Variants in GABRB2 observed in about 807,000 individuals in gnomAD.
GABRB2 encodes the protein gamma-aminobutyric acid receptor subunit beta-2.
Under a neutral mutation model 54.7 loss-of-function variants are expected in GABRB2, and 16 were observed. The observed-to-expected ratio is 0.29, with a 90% confidence interval of 0.20 to 0.44. The LOEUF is 0.44. GABRB2 is among the 20% of genes least tolerant of loss of function. The pLI is 1.00. For missense variants in GABRB2, 355 were observed against 644.0 expected (o/e 0.55, Z 4.86); for synonymous variants, 244 against 233.8 (o/e 1.04, Z -0.40).
intron 3 of GABRB2, among the ~76,000 whole-genome samples, chr5:161,485,129 C>A (rs2113337883): frequency 6.6e-6 from 1 of 151,784 alleles, no homozygotes; most frequent in African/African-American, 2.4e-5. Flanking sequence ...ATACCACTTT[C>A]TATAGGAAGC....
In GABRB2 at chr5:161,359,978, A is replaced by G. The variant is rs138704003; in HGVS notation, c.542-23209T>C. On this transcript the variant is annotated intron_variant, in intron 5 of 9. Transcript: ENST00000393959. ...TGCCTGTAGTCCCAGCTACTCAGGA[A>G]GCTGAGGCAGGAGAATCACTTGAAC... is the stretch of plus-strand genomic sequence containing the variant. 7.5e-3 allele frequency among the ~76,000 whole-genome samples: 1,138 copies of G among 152,180 alleles called. 15 individuals are homozygous for G. The highest frequency in any genetic ancestry group is 0.025 in the African/African-American group (1,030 of 41,506).
At chr5:161,402,639 A>G (rs943335969) in intron 5 of GABRB2, among the ~76,000 whole-genome samples, 3 of 152,210 alleles carry the variant, frequency 2.0e-5, no homozygotes, top group African/African-American at 7.2e-5. Flanking sequence ...GAGAGAGCCG[A>G]TCTTCCCACT....
chr5:161,546,523 C>A (rs1760990430), intron 1 of GABRB2, 44 bp downstream of exon 1: 4 of 1,577,350 alleles, frequency 2.5e-6, no homozygotes, highest in Non-Finnish European at 3.5e-6. Flanking sequence ...CAGACAGAAC[C>A]CTTCAAAGTG....
At chr5:161,491,150 A>G (rs555268742) in intron 3 of GABRB2, among the ~76,000 whole-genome samples, 67 of 151,836 alleles carry the variant, frequency 4.4e-4, no homozygotes, top group Middle Eastern at 3.4e-3. Flanking sequence ...GTAATTCACA[A>G]AAAGGTCAGA....
intron 5 of GABRB2, among the ~76,000 whole-genome samples, chr5:161,361,269 A>T (rs891747273): frequency 6.6e-6 from 1 of 152,098 alleles, no homozygotes; most frequent in Non-Finnish European, 1.5e-5. Flanking sequence ...AATGATGTTA[A>T]GAAATTATTT....
intron 5 of GABRB2, among the ~76,000 whole-genome samples, chr5:161,383,809 C>A (rs1183021301): frequency 6.6e-6 from 1 of 152,232 alleles, no homozygotes; most frequent in African/African-American, 2.4e-5. Context: ...GCAATACTTG[C>A]TGAATGACGC....
chr5:161,458,172 C>T (rs571293109), intron 4 of GABRB2, among the ~76,000 whole-genome samples: 5 of 152,254 alleles, frequency 3.3e-5, no homozygotes, highest in African/African-American at 1.2e-4. Flanking sequence ...CTCTCTGATA[C>T]TGTATGTTTT....
At chr5:161,377,656 A>G (rs1225517541) in intron 5 of GABRB2, among the ~76,000 whole-genome samples, 1 of 152,102 alleles carries the variant, frequency 6.6e-6, no homozygotes, top group Non-Finnish European at 1.5e-5. Flanking sequence ...TTAAACTGGA[A>G]AGCAATTTAC....
intron 3 of GABRB2, among the ~76,000 whole-genome samples, chr5:161,542,247 T>G (rs574889300): frequency 6.6e-6 from 1 of 152,120 alleles, no homozygotes; most frequent in African/African-American, 2.4e-5. Context: ...ATTTGAAATA[T>G]TGTGATAATT....
intron 9 of GABRB2, among the ~76,000 whole-genome samples, chr5:161,325,827 T>C (rs1183517327): frequency 6.6e-6 from 1 of 152,150 alleles, no homozygotes; most frequent in East Asian, 1.9e-4. Flanking sequence ...ATGTCAATTA[T>C]TGGCTTTTAT....
chr5:161,489,217 G>C (rs1164661995), intron 3 of GABRB2, among the ~76,000 whole-genome samples: 2 of 151,594 alleles, frequency 1.3e-5, no homozygotes, highest in African/African-American at 4.8e-5. Context: ...TGCTTAAACT[G>C]TTTATTTTGT....
intron 5 of GABRB2, among the ~76,000 whole-genome samples, chr5:161,347,810 C>T (rs1272035103): frequency 6.6e-6 from 1 of 152,074 alleles, no homozygotes; most frequent in Non-Finnish European, 1.5e-5. Flanking sequence ...GTAGCAAAAT[C>T]TAATGGAGAA....
chr5:161,341,351 A>C (rs1335680388), intron 5 of GABRB2, among the ~76,000 whole-genome samples: 1 of 152,022 alleles, frequency 6.6e-6, no homozygotes, highest in Non-Finnish European at 1.5e-5. Flanking sequence ...GCACTGAAGC[A>C]CTTCGTTAAT....
intron 3 of GABRB2, among the ~76,000 whole-genome samples, chr5:161,508,242 C>A (rs114962062): frequency 6.0e-4 from 90 of 150,868 alleles, no homozygotes; most frequent in African/African-American, 2.0e-3. Context: ...TATTCCACAG[C>A]AATTTATTAA....
intron 3 of GABRB2, among the ~76,000 whole-genome samples, chr5:161,461,982 T>C (rs959562350): frequency 2.6e-4 from 39 of 152,168 alleles, no homozygotes; most frequent in African/African-American, 9.4e-4. Context: ...AAAATATGAC[T>C]CATATTATCT....
In GABRB2 at chr5:161,393,018, A is replaced by T. The variant is rs113005248; in HGVS notation, c.541+17957T>A. Among the ~76,000 whole-genome samples the T allele has an allele frequency of 7.8e-3, 1,183 of 152,204 alleles. 22 individuals are homozygous for T. The highest frequency in any genetic ancestry group is 0.051 in the South Asian group (248 of 4,822). On this transcript the variant is annotated intron_variant, in intron 5 of 9. Transcript: ENST00000393959. The stretch of plus-strand genomic sequence containing the variant: ...CTGGGAGAAAATTCTTCTAACCGGG[A>T]TGCAGAAATGACTGCCAGAAGGACC...
intron 4 of GABRB2, among the ~76,000 whole-genome samples, chr5:161,440,963 A>G (rs925462244): frequency 1.6e-4 from 25 of 152,208 alleles, no homozygotes; most frequent in African/African-American, 6.0e-4. Context: ...ATACAAAAAT[A>G]AAATCAAAGT....
intron 3 of GABRB2, among the ~76,000 whole-genome samples, chr5:161,529,502 T>C (rs1404929247): frequency 6.6e-6 from 1 of 152,022 alleles, no homozygotes; most frequent in African/African-American, 2.4e-5. Flanking sequence ...GAGGTTTGTA[T>C]TGTCTTGGTT....
chr5:161,464,961 A>C (rs758216979), intron 3 of GABRB2, among the ~76,000 whole-genome samples: 53 of 152,112 alleles, frequency 3.5e-4, no homozygotes, highest in Admixed American at 2.1e-3. Flanking sequence ...TCTGCTTCTT[A>C]ATAGCAGTGG....
Sources: gnomAD v4.1 joint callset for allele counts (sites outside exome capture counted in the v4.1 genomes callset) on GRCh38, gnomAD v4.1.1 for gene constraint, MANE v1.5 for transcripts, NCBI Gene and HGNC (gene_info 2026-07-23, HGNC 2026-07-21) for gene names.